Variants in OPA3 observed in about 807,000 individuals in gnomAD.
OPA3 encodes outer mitochondrial membrane lipid metabolism regulator OPA3.
In OPA3, 6 loss-of-function variants were observed where a neutral mutation model predicts 4.0. The observed-to-expected ratio is 1.51, with a 90% CI of 0.83 to 2.99. The LOEUF (loss-of-function observed/expected upper bound fraction) is 2.99, where lower values mean the gene tolerates loss of function less well. Among genes scored for constraint, OPA3 ranks in the 30% most tolerant of loss-of-function variants. The pLI, the probability that OPA3 is intolerant of heterozygous loss-of-function variation, is 0.00. For synonymous variants in OPA3, 105 were observed against 117.1 expected (o/e 0.90, Z 0.67); for missense variants, 235 against 256.2 (o/e 0.92, Z 0.56).
intron 1 of OPA3, among the ~76,000 whole-genome samples, chr19:45,560,056 C>T (rs1427606254): frequency 6.6e-6 from 1 of 152,158 alleles, no homozygotes; most frequent in African/African-American, 2.4e-5. Flanking sequence ...AACCTAATAT[C>T]CTCTTCCTGA....
intron 1 of OPA3, among the ~76,000 whole-genome samples, chr19:45,568,352 G>T (rs1378791989): frequency 6.6e-6 from 1 of 151,882 alleles, no homozygotes; most frequent in Non-Finnish European, 1.5e-5. Flanking sequence ...ACCACATCTG[G>T]CTAATTTTTG....
intron 1 of OPA3, among the ~76,000 whole-genome samples, chr19:45,579,843 A>C (rs534041958): frequency 4.5e-4 from 69 of 152,242 alleles, no homozygotes; most frequent in African/African-American, 1.6e-3. Context: ...CACAAAGTAC[A>C]AGCCCAGTTA....
At chr19:45,566,608 C>A (rs1307321195) in intron 1 of OPA3, among the ~76,000 whole-genome samples, 1 of 151,482 alleles carries the variant, frequency 6.6e-6, no homozygotes, top group African/African-American at 2.4e-5. Context: ...ATAGCTGGGA[C>A]TACAGGCACG....
At chr19:45,580,579 C>T (rs1361747380) in intron 1 of OPA3, among the ~76,000 whole-genome samples, 1 of 151,718 alleles carries the variant, frequency 6.6e-6, no homozygotes, top group Non-Finnish European at 1.5e-5. Flanking sequence ...AGGTGGGAGG[C>T]ACCGCGCCCA....
chr19:45,543,924 G>A (rs1369264389), downstream of OPA3, among the ~76,000 whole-genome samples: 1 of 152,170 alleles, frequency 6.6e-6, no homozygotes, highest in African/African-American at 2.4e-5. Flanking sequence ...CTTCCAGTAA[G>A]TTCTTTTTCT....
At chr19:45,572,669 G>A (rs1182271888) in intron 1 of OPA3, among the ~76,000 whole-genome samples, 1 of 109,726 alleles carries the variant, frequency 9.1e-6, no homozygotes, top group Non-Finnish European at 2.0e-5. Context: ...ATATCTATAT[G>A]AGATATATAT....
intron 1 of OPA3, among the ~76,000 whole-genome samples, chr19:45,564,332 A>G (rs1969549932): frequency 6.6e-6 from 1 of 151,954 alleles, no homozygotes; most frequent in African/African-American, 2.4e-5. Flanking sequence ...GGAGAGGGGG[A>G]AAGGGCGGTG....
rs1044677779 is a variant in OPA3 at position 45,561,833 on chromosome 19, C to A, written c.143-7922G>T. ...GCAGGCATCTGTAATCCCAGCTACC[C>A]GGGAGGCTGAGGCAAGACAATCGCT... On this transcript the variant is annotated intron_variant, in intron 1 of 1. Transcript: ENST00000263275. Among the ~76,000 whole-genome samples the A allele has an allele frequency of 4.0e-5, 6 of 151,750 alleles. No individual in the cohort carries two copies. The East Asian group carries it at 1.2e-3, about 29-fold the overall frequency.
At chr19:45,559,393 CTTTCTTTTTTTTTT>C (rs1280836261) in intron 1 of OPA3, among the ~76,000 whole-genome samples, 3 of 97,824 alleles carry the variant, frequency 3.1e-5, no homozygotes, top group South Asian at 7.1e-4. Context: ...CCCTCTTTTT[CTTTCTTTTTTTTTT>C]TTTTTTTTTT....
At chr19:45,530,473 G>A (rs1969047220) in intron 1 of OPA3, among the ~76,000 whole-genome samples, 1 of 151,724 alleles carries the variant, frequency 6.6e-6, no homozygotes, top group Non-Finnish European at 1.5e-5. Context: ...TTTACAAGTG[G>A]TTTTTATTTT....
downstream of OPA3, among the ~76,000 whole-genome samples, chr19:45,542,530 C>T (rs149424871): frequency 5.0e-3 from 754 of 152,212 alleles, 5 homozygotes; most frequent in African/African-American, 0.018. Flanking sequence ...TAAGTACTTG[C>T]GTGTCTAGAC....
At chr19:45,528,991 A>G (rs917904249) in exon 2 of OPA3, 15 of 1,530,910 alleles carry the variant, frequency 9.8e-6, no homozygotes, top group Non-Finnish European at 1.2e-5. Flanking sequence ...TGCGGAGAAT[A>G]GGCCAAGACA....
chr19:45,580,396 C>T (rs1254306941), intron 1 of OPA3, among the ~76,000 whole-genome samples: 68 of 139,944 alleles, frequency 4.9e-4, no homozygotes, highest in Non-Finnish European at 7.6e-4. Context: ...TGGGTTCAAG[C>T]GATTCTCCTG....
intron 1 of OPA3, among the ~76,000 whole-genome samples, chr19:45,572,767 C>A (rs374798567): frequency 8.8e-6 from 1 of 114,124 alleles, no homozygotes; most frequent in Non-Finnish European, 1.6e-5. Context: ...CGATATATAT[C>A]TATATATATC....
At chr19:45,558,069 C>A (rs1041421605) in intron 1 of OPA3, among the ~76,000 whole-genome samples, 1 of 152,176 alleles carries the variant, frequency 6.6e-6, no homozygotes, top group Non-Finnish European at 1.5e-5. Flanking sequence ...CGCGGTAGCT[C>A]AGGCCTTTAA....
At chr19:45,532,754 T>C (rs58092512) in intron 1 of OPA3, among the ~76,000 whole-genome samples, 1,835 of 152,236 alleles carry the variant, frequency 0.012, 24 homozygotes, top group African/African-American at 0.037. Flanking sequence ...TTTATTTTAT[T>C]TTTTAATAGA....
intron 1 of OPA3, among the ~76,000 whole-genome samples, chr19:45,559,699 G>C (rs759184710): frequency 6.6e-6 from 1 of 151,956 alleles, no homozygotes; most frequent in African/African-American, 2.4e-5. Context: ...CACCGCACCT[G>C]GCCCCCTCCA....
At chr19:45,580,443 G>A (rs7248934) in intron 1 of OPA3, among the ~76,000 whole-genome samples, 19,991 of 150,250 alleles carry the variant, frequency 0.13, 2,642 homozygotes, top group African/African-American at 0.32. Flanking sequence ...ACAGGCATGC[G>A]CCACCACGTC....
At chr19:45,576,801 C>G (rs144595509) in intron 1 of OPA3, among the ~76,000 whole-genome samples, 1 of 152,300 alleles carries the variant, frequency 6.6e-6, no homozygotes, top group Non-Finnish European at 1.5e-5. Flanking sequence ...ACCTGACCTG[C>G]ATAATTCAGG....
Sources: gnomAD v4.1 joint callset for allele counts (sites outside exome capture counted in the v4.1 genomes callset) on GRCh38, gnomAD v4.1.1 for gene constraint, MANE v1.5 for transcripts, NCBI Gene and HGNC (gene_info 2026-07-23, HGNC 2026-07-21) for gene names.